Variants in RAD54B observed in about 807,000 individuals in gnomAD.
RAD54B encodes the protein RAD54 homolog B.
Under a neutral mutation model 95.8 loss-of-function variants are expected in RAD54B, and 78 were observed. The observed-to-expected ratio is 0.81, with a 90% CI of 0.68 to 0.98. The LOEUF is 0.98. Among genes scored for constraint, RAD54B ranks in the 50% least tolerant of loss-of-function variants. The pLI is 0.00. For synonymous variants in RAD54B, 328 were observed against 354.9 expected, an observed-to-expected ratio of 0.92 and a Z score of 0.85; for missense variants, 957 against 1,056.6, an observed-to-expected ratio of 0.91 and a Z score of 1.31.
At chr8:94,457,498 C>G (rs1277818266) in intron 3 of RAD54B, among the ~76,000 whole-genome samples, 1 of 152,160 alleles carries the variant, frequency 6.6e-6, no homozygotes, top group African/African-American at 2.4e-5. Flanking sequence ...AGGTAAAATT[C>G]ATTAATCATC....
chr8:94,469,735 C>A (rs1351284655), intron 1 of RAD54B, among the ~76,000 whole-genome samples: 1 of 152,210 alleles, frequency 6.6e-6, no homozygotes, highest in Non-Finnish European at 1.5e-5. Context: ...TATAATGTGT[C>A]TGGCAACAGT....
chr8:94,393,941 G>A, intron 8 of RAD54B, 59 bp from the exon 9 acceptor site: 2 of 1,411,834 alleles, frequency 1.4e-6, no homozygotes, highest in Middle Eastern at 1.9e-4. Context: ...CACAATCTCA[G>A]GTTTATAGCA....
At chr8:94,462,324 T>C (rs1478643601) in intron 2 of RAD54B, among the ~76,000 whole-genome samples, 1 of 152,172 alleles carries the variant, frequency 6.6e-6, no homozygotes, top group African/African-American at 2.4e-5. Context: ...ATATCCTATT[T>C]CCTCATTGAA....
At chr8:94,397,728 CT>C (rs1233452381) in intron 8 of RAD54B, among the ~76,000 whole-genome samples, 3 of 152,022 alleles carry the variant, frequency 2.0e-5, no homozygotes, top group African/African-American at 7.2e-5. Flanking sequence ...TCTCACTCTT[CT>C]TTTTTATTTA....
chr8:94,471,272 G>GA (rs923124807), intron 1 of RAD54B, among the ~76,000 whole-genome samples: 6 of 149,382 alleles, frequency 4.0e-5, no homozygotes, highest in African/African-American at 7.5e-5. Context: ...GGGTGGCGGG[G>GA]GGGGGCAGTA....
At chr8:94,474,124 A>C (rs1466223278) in intron 1 of RAD54B, among the ~76,000 whole-genome samples, 1 of 152,218 alleles carries the variant, frequency 6.6e-6, no homozygotes, top group Non-Finnish European at 1.5e-5. Flanking sequence ...ACAGAAAATC[A>C]AATATTGCAT....
intron 6 of RAD54B, among the ~76,000 whole-genome samples, chr8:94,403,366 A>G (rs984067789): frequency 6.6e-5 from 10 of 152,200 alleles, no homozygotes; most frequent in African/African-American, 2.2e-4. Flanking sequence ...ATGTAGAGAC[A>G]GAAGAAAATC....
intron 3 of RAD54B, chr8:94,428,067 G>A: frequency 1.1e-6 from 1 of 950,008 alleles, no homozygotes; most frequent in Non-Finnish European, 1.3e-6. Flanking sequence ...ATAAATCACA[G>A]CTAGTTTAGA....
intron 1 of RAD54B, among the ~76,000 whole-genome samples, chr8:94,473,303 T>C (rs3099401): frequency 0.55 from 83,336 of 152,030 alleles, 24,537 homozygotes; most frequent in East Asian, 0.8. Context: ...CTGACAACTG[T>C]AATACACCAG....
At chr8:94,423,000 T>G (rs1341337645) in intron 3 of RAD54B, among the ~76,000 whole-genome samples, 1 of 151,746 alleles carries the variant, frequency 6.6e-6, no homozygotes. Context: ...CATATATATT[T>G]ATCTTAAAAT....
intron 3 of RAD54B, among the ~76,000 whole-genome samples, chr8:94,442,445 G>A (rs952358113): frequency 6.6e-6 from 1 of 151,950 alleles, no homozygotes; most frequent in African/African-American, 2.4e-5. Flanking sequence ...CGTGGTGGCA[G>A]GCGCCTGTAG....
chr8:94,427,967 C>T (rs1811986312), intron 3 of RAD54B: 2 of 914,616 alleles, frequency 2.2e-6, no homozygotes, highest in South Asian at 1.0e-4. Flanking sequence ...GTTAATATCT[C>T]ATCATACACA....
chr8:94,457,309 G>GA (rs1251254152), intron 3 of RAD54B, among the ~76,000 whole-genome samples: 1 of 152,140 alleles, frequency 6.6e-6, no homozygotes, highest in African/African-American at 2.4e-5. Flanking sequence ...GCCATGCCCA[G>GA]AGCTGTTCCT....
chr8:94,448,687 G>A (rs1812577874), intron 3 of RAD54B, among the ~76,000 whole-genome samples: 1 of 110,900 alleles, frequency 9.0e-6, no homozygotes, highest in African/African-American at 4.4e-5. Flanking sequence ...TATGTGGAAT[G>A]TTACTTTAAA....
intron 3 of RAD54B, among the ~76,000 whole-genome samples, chr8:94,420,857 C>T (rs953955010): frequency 8.6e-5 from 13 of 151,576 alleles, no homozygotes; most frequent in Non-Finnish European, 1.6e-4. Flanking sequence ...TGGTGGTGGG[C>T]GTCTGTAATC....
intron 3 of RAD54B, among the ~76,000 whole-genome samples, chr8:94,411,798 T>C (rs1013972929): frequency 2.0e-5 from 3 of 152,090 alleles, no homozygotes; most frequent in Admixed American, 6.6e-5. Context: ...GTGCACAACA[T>C]TCTGTTTTGA....
chr8:94,403,497 T>G (rs1183034135), intron 6 of RAD54B, among the ~76,000 whole-genome samples: 1 of 151,920 alleles, frequency 6.6e-6, no homozygotes, highest in Admixed American at 6.6e-5. Flanking sequence ...GCCAACATGG[T>G]GAAACCCCGT....
chr8:94,441,905 C>T (rs913403857), intron 3 of RAD54B, among the ~76,000 whole-genome samples: 1 of 152,130 alleles, frequency 6.6e-6, no homozygotes, highest in Admixed American at 6.5e-5. Context: ...ATATATTCCA[C>T]AATATCACCT....
At chr8:94,381,851 A>C (rs545019612) in intron 11 of RAD54B, among the ~76,000 whole-genome samples, 11 of 152,108 alleles carry the variant, frequency 7.2e-5, no homozygotes, top group South Asian at 2.1e-4. Flanking sequence ...CGGTGGCTCA[A>C]GCCTGTAATC....
Sources: gnomAD v4.1 joint callset for allele counts (sites outside exome capture counted in the v4.1 genomes callset) on GRCh38, gnomAD v4.1.1 for gene constraint, MANE v1.5 for transcripts, NCBI Gene and HGNC (gene_info 2026-07-23, HGNC 2026-07-21) for gene names.